Variants in TXLNB observed in about 807,000 individuals in gnomAD.
TXLNB encodes taxilin beta.
Under a neutral mutation model 57.4 loss-of-function variants are expected in TXLNB, and 37 were observed. That is an observed-to-expected ratio of 0.64 (90% CI 0.50 to 0.85). TXLNB has a LOEUF of 0.85. TXLNB is among the 40% of genes least tolerant of loss of function. TXLNB has a pLI of 0.00. For missense variants in TXLNB, 848 were observed against 825.6 expected, an observed-to-expected ratio of 1.03 and a Z score of -0.33; for synonymous variants, 302 against 309.6, an observed-to-expected ratio of 0.98 and a Z score of 0.26.
chr6:139,311,885 T>C, the TXLNB span, among the ~76,000 whole-genome samples: 1 of 152,124 alleles, frequency 6.6e-6, no homozygotes, highest in Non-Finnish European at 1.5e-5. Flanking sequence ...CAGGTTCTTG[T>C]TGAAAGCTCT....
intron 7 of TXLNB, among the ~76,000 whole-genome samples, chr6:139,248,423 G>A (rs1298663857): frequency 6.6e-6 from 1 of 151,786 alleles, no homozygotes; most frequent in African/African-American, 2.4e-5. Context: ...TTGAACCCAG[G>A]AGGCAGGGGT....
At chr6:139,288,164 A>G (rs1378949370) in intron 2 of TXLNB, among the ~76,000 whole-genome samples, 2 of 152,220 alleles carry the variant, frequency 1.3e-5, no homozygotes, top group Admixed American at 6.5e-5. Flanking sequence ...TGTAGGGTAG[A>G]GTAATCTGAG....
chr6:139,298,184 T>G, the TXLNB span, among the ~76,000 whole-genome samples: 11,152 of 152,288 alleles, frequency 0.073, 450 homozygotes, highest in Admixed American at 0.086. Context: ...CAGATGGACT[T>G]GCATAAATAA....
chr6:139,301,254 G>C, the TXLNB span, among the ~76,000 whole-genome samples: 1 of 152,086 alleles, frequency 6.6e-6, no homozygotes, highest in Non-Finnish European at 1.5e-5. Context: ...ACCCAAGAGA[G>C]GTTGCAAAAT....
the TXLNB span, among the ~76,000 whole-genome samples, chr6:139,164,288 C>T: frequency 2.0e-5 from 3 of 152,064 alleles, no homozygotes; most frequent in African/African-American, 7.2e-5. Flanking sequence ...ATCTAAACTG[C>T]TTCATGACCA....
At chr6:139,275,327 T>C (rs1379211744) in intron 3 of TXLNB, among the ~76,000 whole-genome samples, 1 of 152,200 alleles carries the variant, frequency 6.6e-6, no homozygotes, top group Non-Finnish European at 1.5e-5. Flanking sequence ...GTGAAGACTA[T>C]ATATTATATG....
intron 9 of TXLNB, among the ~76,000 whole-genome samples, chr6:139,244,004 G>A (rs555239397): frequency 6.6e-6 from 1 of 150,960 alleles, no homozygotes; most frequent in Non-Finnish European, 1.5e-5. Context: ...TCCCCCACTC[G>A]TTATACATGG....
chr6:139,264,544 TTTTG>T (rs1776566058), intron 4 of TXLNB, among the ~76,000 whole-genome samples: 1 of 118,456 alleles, frequency 8.4e-6, no homozygotes, highest in African/African-American at 4.2e-5. Flanking sequence ...TATATATATT[TTTTG>T]TTTTGTTTTG....
At chr6:139,290,064 G>C (rs930097084) in intron 1 of TXLNB, among the ~76,000 whole-genome samples, 1 of 152,110 alleles carries the variant, frequency 6.6e-6, no homozygotes, top group Non-Finnish European at 1.5e-5. Context: ...CAGGGAATGA[G>C]GGAAGGTATA....
intron 6 of TXLNB, among the ~76,000 whole-genome samples, chr6:139,259,648 C>G (rs572129650): frequency 2.0e-5 from 3 of 152,256 alleles, no homozygotes; most frequent in Admixed American, 2.0e-4. Context: ...TCTGAAATGA[C>G]CCTTCCCTGT....
At chr6:139,176,909 G>T in the TXLNB span, 3 of 854,806 alleles carry the variant, frequency 3.5e-6, no homozygotes, top group African/African-American at 1.6e-5. This position sits in a 1 kb window ranked among gnomAD's most constrained non-coding sequence, Gnocchi z 4.5. Flanking sequence ...AAGTGGAGGG[G>T]TGTTGTGGCT....
At chr6:139,272,525 T>C (rs1359408731) in intron 3 of TXLNB, among the ~76,000 whole-genome samples, 1 of 152,198 alleles carries the variant, frequency 6.6e-6, no homozygotes, top group Non-Finnish European at 1.5e-5. Flanking sequence ...CTAGTGGAAA[T>C]TAGCATTGTA....
chr6:139,254,748 T>C (rs1235232926), intron 7 of TXLNB, among the ~76,000 whole-genome samples: 1 of 151,772 alleles, frequency 6.6e-6, no homozygotes, highest in East Asian at 2.0e-4. Context: ...GACACTTGTA[T>C]CCATTCACCA....
chr6:139,160,207 T>C, the TXLNB span, among the ~76,000 whole-genome samples: 1 of 152,200 alleles, frequency 6.6e-6, no homozygotes, highest in African/African-American at 2.4e-5. Context: ...TACTGACTAC[T>C]TGATGATGAA....
In TXLNB at chr6:139,242,660, C is replaced by T. The variant is rs764882772; in HGVS notation, c.1921G>A (p.Val641Ile). 6.2e-7 allele frequency: 1 copy of T among 1,610,200 alleles called. No homozygotes were observed. Residue 641 changes from valine (V) to isoleucine (I), a missense_variant, in exon 10 of 10, where the codon GTT (valine) becomes ATT (isoleucine). Val to Ile is a conservative substitution (Grantham distance 29). Coordinates refer to ENST00000358430, the MANE Select transcript of TXLNB (RefSeq NM_153235.4). ...TCGCATGCAGGCACCATGGCTGCAA[C>T]GTGCTCTTCTGCTGCGCATGCTGGA... ...PAPACAAEEH[V>I]AAMVPACEPS...
the TXLNB span, among the ~76,000 whole-genome samples, chr6:139,218,035 C>G: frequency 6.6e-6 from 1 of 152,132 alleles, no homozygotes; most frequent in South Asian, 2.1e-4. Flanking sequence ...ACCTGCATAA[C>G]TCATTAGACT....
chr6:139,189,702 C>A, the TXLNB span, among the ~76,000 whole-genome samples: 1 of 152,262 alleles, frequency 6.6e-6, no homozygotes, highest in Admixed American at 6.5e-5. Context: ...ATTGTCTTTG[C>A]AGCTGTGGAG....
chr6:139,202,342 A>G, the TXLNB span, among the ~76,000 whole-genome samples: 1 of 127,036 alleles, frequency 7.9e-6, no homozygotes, highest in African/African-American at 2.8e-5. Flanking sequence ...AACTTCAATC[A>G]TTTGGTCTCT....
chr6:139,301,245 C>T, the TXLNB span, among the ~76,000 whole-genome samples: 2 of 151,936 alleles, frequency 1.3e-5, no homozygotes, highest in African/African-American at 4.8e-5. Context: ...CTCATATATA[C>T]CCAAGAGAGG....
Sources: allele counts gnomAD v4.1 joint callset (sites outside exome capture counted in the v4.1 genomes callset), GRCh38; gene constraint gnomAD v4.1.1; non-coding constraint Gnocchi (gnomAD v3.1); transcripts MANE v1.5; gene names NCBI Gene and HGNC (gene_info 2026-07-23, HGNC 2026-07-21).